Variants in KIF9 observed in about 807,000 individuals in gnomAD.
The protein encoded by KIF9 is kinesin family member 9.
A neutral mutation model predicts 94.8 loss-of-function variants in KIF9; 68 were observed. The ratio of observed to expected loss-of-function variants is 0.72; its 90% confidence interval spans 0.59 to 0.88. The LOEUF is 0.88. KIF9 is among the 40% of genes least tolerant of loss of function. The probability of loss-of-function intolerance (pLI) is 0.00; values close to 1 mark genes in which losing one functional copy is unlikely to be tolerated. For missense variants in KIF9, 882 were observed against 982.5 expected (o/e 0.90, Z 1.37); for synonymous variants, 343 against 362.1 (o/e 0.95, Z 0.60).
intron 20 of KIF9, among the ~76,000 whole-genome samples, chr3:47,233,755 T>C (rs1020472740): frequency 2.7e-5 from 4 of 150,374 alleles, no homozygotes; most frequent in African/African-American, 9.8e-5. Context: ...CACAGCATGA[T>C]CTTCAGGATG....
rs1458287693 is a variant in KIF9 at position 47,248,082 on chromosome 3, A to G, written c.1064T>C (p.Met355Thr). The change falls in exon 11 of 21, where the codon ATG (methionine) becomes ACG (threonine). Residue 355 changes from methionine to threonine, a missense_variant. Met to Thr is a moderately conservative substitution (Grantham distance 81). Coordinates refer to ENST00000684063, the MANE Select transcript of KIF9 (RefSeq NM_182902.4). ...AINEKYDAER[M>T]VKNLEKELAL... ...TAGTTCCTTCTCCAGGTTCTTGACCATTCTCTGCCGGGAAACATGGTAGGG... is the reference window on the plus strand; with the variant it reads ...TAGTTCCTTCTCCAGGTTCTTGACCGTTCTCTGCCGGGAAACATGGTAGGG... The G allele has an allele frequency of 1.2e-6, 2 of 1,613,162 alleles. No homozygotes were observed. Among genetic ancestry groups the G allele is most frequent in the Admixed American group, 1.7e-5 (1 of 59,936 alleles).
intron 16 of KIF9, among the ~76,000 whole-genome samples, chr3:47,241,863 C>CATATAT (rs1699564580): frequency 5.9e-5 from 5 of 84,248 alleles, no homozygotes; most frequent in African/African-American, 2.2e-4. Flanking sequence ...TATATATATA[C>CATATAT]ACATATATAT....
In KIF9 at chr3:47,266,424, G is replaced by A. The variant is rs992627356; in HGVS notation, c.769-547C>T. ...TTTGGGAGGCCAAAGCAGGAGGATCGCTTGAGCCCAGGAGTTCAAGTTCAG... is the reference window on the plus strand; with the variant it reads ...TTTGGGAGGCCAAAGCAGGAGGATCACTTGAGCCCAGGAGTTCAAGTTCAG... On this transcript the variant is annotated intron_variant, in intron 7 of 20. Transcript: ENST00000684063. 2.0e-5 allele frequency among the ~76,000 whole-genome samples: 3 copies of A among 152,154 alleles called. No homozygotes were observed. In the South Asian group the frequency reaches 6.2e-4, roughly 32 times the overall value.
At position 47,257,542 on chromosome 3, in the gene KIF9, C is replaced by T; in HGVS notation, c.1000G>A (p.Ala334Thr). The change falls in exon 10 of 21, where the codon GCC (alanine) becomes ACC (threonine). Residue 334 changes from alanine to threonine, a missense_variant. Physicochemically the swap from Ala to Thr is moderately conservative, Grantham distance 58. Coordinates refer to ENST00000684063, the MANE Select transcript of KIF9 (RefSeq NM_182902.4). ...LEETLSSLRF[A>T]SRMKLVTTEP... is the part of the protein sequence containing the mutation. The stretch of plus-strand genomic sequence containing the variant: ...GTGGTGACTAGCTTCATCCTGCTGG[C>T]AAATCTCAGTGAAGATAGCTGCAAA... The T allele has an allele frequency of 6.2e-7, 1 of 1,613,768 alleles. No homozygotes were observed. The highest frequency in any genetic ancestry group is 8.5e-7 in the Non-Finnish European group (1 of 1,180,010).
intron 8 of KIF9, among the ~76,000 whole-genome samples, chr3:47,265,502 C>G (rs1701233814): frequency 6.6e-6 from 1 of 152,188 alleles, no homozygotes; most frequent in African/African-American, 2.4e-5. Flanking sequence ...ATTCCTAGCA[C>G]AGGTAAAAAG....
intron 17 of KIF9, among the ~76,000 whole-genome samples, chr3:47,237,187 G>A (rs1699091305): frequency 1.3e-5 from 2 of 152,076 alleles, no homozygotes; most frequent in Admixed American, 6.5e-5. Flanking sequence ...TCTGCCTCCC[G>A]AGTTCAAGCG....
At chr3:47,281,274 G>A (rs1702324790) in intron 1 of KIF9, 1 of 460,392 alleles carries the variant, frequency 2.2e-6, no homozygotes, top group Non-Finnish European at 3.9e-6. Context: ...CCTTCCAGGA[G>A]GACACTTGGT....
At position 47,257,556 on chromosome 3, in the gene KIF9, G is replaced by C. The variant is rs372420174; in HGVS notation, c.986C>G (p.Ser329Cys). ...GEAAQLEETL[S>C]SLRFASRMKL... Reference sequence around the variant, plus strand: ...CATCCTGCTGGCAAATCTCAGTGAAGATAGCTGCAAAACAGAGCAGGTAGA... The same window carrying C: ...CATCCTGCTGGCAAATCTCAGTGAACATAGCTGCAAAACAGAGCAGGTAGA... The change falls in exon 10 of 21, where the codon TCT becomes TGT. Residue 329 changes from serine to cysteine, a missense_variant. Physicochemically the swap from Ser to Cys is moderately radical, Grantham distance 112. Coordinates refer to ENST00000684063, the MANE Select transcript of KIF9 (RefSeq NM_182902.4). 1.2e-6 allele frequency: 2 copies of C among 1,613,332 alleles called. No individual in the cohort carries two copies. Among genetic ancestry groups the C allele is most frequent in the South Asian group, 2.2e-5 (2 of 91,086 alleles).
chr3:47,276,890 G>A (rs1473196313), intron 2 of KIF9, among the ~76,000 whole-genome samples: 1 of 152,138 alleles, frequency 6.6e-6, no homozygotes, highest in African/African-American at 2.4e-5. Flanking sequence ...CTCTTGATAA[G>A]TATTTCTCCA....
intron 17 of KIF9, 97 bp downstream of exon 17, chr3:47,240,681 ATCCCAGCACCCCCACTGGCCCCC>A: frequency 3.7e-6 from 3 of 811,934 alleles, no homozygotes; most frequent in East Asian, 2.5e-5. Context: ...TGAAGGCCAC[ATCCCAGCACCCCCACTGGCCCCC>A]TCCCATCTCA....
chr3:47,267,360 C>T, intron 5 of KIF9, 97 bp from the exon 6 acceptor site: 2 of 861,660 alleles, frequency 2.3e-6, no homozygotes, highest in Non-Finnish European at 4.0e-6. Flanking sequence ...CACAAGTGGT[C>T]TCATATCACT....
intron 9 of KIF9, 113 bp downstream of exon 9, chr3:47,264,173 C>A: frequency 1.2e-6 from 1 of 824,120 alleles, no homozygotes; most frequent in Non-Finnish European, 2.1e-6. Context: ...GATCCTTCCA[C>A]TCTTGACAAT....
intron 20 of KIF9, among the ~76,000 whole-genome samples, chr3:47,230,407 G>C (rs1698474990): frequency 6.6e-6 from 1 of 151,932 alleles, no homozygotes; most frequent in Non-Finnish European, 1.5e-5. Context: ...GGGAGACCCA[G>C]TCTCTATTTT....
chr3:47,282,286 A>G (rs1702429875), intron 1 of KIF9: 3 of 985,554 alleles, frequency 3.0e-6, no homozygotes, highest in Non-Finnish European at 1.2e-6. Context: ...TGTGGGACCA[A>G]TGAACATTAG....
At chr3:47,282,025 A>G (rs968805015) in intron 1 of KIF9, 2 of 205,032 alleles carry the variant, frequency 9.8e-6, no homozygotes, top group Non-Finnish European at 1.7e-5. Flanking sequence ...ACTAGGATGC[A>G]GGCAAAACTA....
At chr3:47,265,422 T>G (rs1701229984) in intron 8 of KIF9, among the ~76,000 whole-genome samples, 1 of 152,142 alleles carries the variant, frequency 6.6e-6, no homozygotes, top group South Asian at 2.1e-4. Context: ...AGAGAGGCCC[T>G]CGCCCCAAGT....
chr3:47,233,980 G>A (rs564526078), intron 20 of KIF9, among the ~76,000 whole-genome samples: 13 of 152,198 alleles, frequency 8.5e-5, no homozygotes, highest in Admixed American at 7.2e-4. Context: ...CTACTCAGGA[G>A]GCTGAGGCAG....
chr3:47,235,720 C>T (rs567046208), intron 19 of KIF9, 103 bp from the exon 20 acceptor site: 45 of 865,298 alleles, frequency 5.2e-5, no homozygotes, highest in East Asian at 1.5e-4. Context: ...TGCCACACAC[C>T]GCCCCACCGC....
chr3:47,262,372 G>C (rs1016836605), intron 9 of KIF9, among the ~76,000 whole-genome samples: 1 of 151,352 alleles, frequency 6.6e-6, no homozygotes, highest in African/African-American at 2.4e-5. Flanking sequence ...TCTGCCTCCA[G>C]GGTTCTCCTG....
Sources: gnomAD v4.1 joint callset for allele counts (sites outside exome capture counted in the v4.1 genomes callset) on GRCh38, gnomAD v4.1.1 for gene constraint, MANE v1.5 for transcripts, NCBI Gene and HGNC (gene_info 2026-07-23, HGNC 2026-07-21) for gene names.